Variants in TNRC6B observed in about 807,000 individuals in gnomAD.
The protein encoded by TNRC6B is trinucleotide repeat-containing gene 6B protein.
A neutral mutation model predicts 203.6 loss-of-function variants in TNRC6B; 52 were observed. The observed-to-expected ratio is 0.26, with a 90% CI of 0.20 to 0.32. The LOEUF (loss-of-function observed/expected upper bound fraction) is 0.32. Among genes scored for constraint, TNRC6B ranks in the 10% least tolerant of loss-of-function variants. TNRC6B has a pLI of 1.00. For synonymous variants in TNRC6B, 838 were observed against 845.7 expected, an observed-to-expected ratio of 0.99 and a Z score of 0.16; for missense variants, 1,923 against 2,286.2, an observed-to-expected ratio of 0.84 and a Z score of 3.24.
intron 1 of TNRC6B, among the ~76,000 whole-genome samples, chr22:40,071,253 T>C (rs1307686014): frequency 6.6e-6 from 1 of 152,206 alleles, no homozygotes; most frequent in Non-Finnish European, 1.5e-5. Context: ...ATACCTCCAC[T>C]AGATACTTCC....
chr22:40,058,360 AG>A (rs1474999302), intron 1 of TNRC6B, among the ~76,000 whole-genome samples: 1 of 148,708 alleles, frequency 6.7e-6, no homozygotes, highest in Non-Finnish European at 1.5e-5. Context: ...AACTTTAAAA[AG>A]GGGGCCCTCT....
intron 2 of TNRC6B, among the ~76,000 whole-genome samples, chr22:40,118,261 G>GT (rs1234899547): frequency 6.6e-6 from 1 of 152,150 alleles, no homozygotes; most frequent in Non-Finnish European, 1.5e-5. Context: ...GTGGCCTATG[G>GT]TTTTTGAACC....
rs144211003 is a variant in TNRC6B, at chr22:40,158,993, C to T, written c.113+2811C>T. Reference sequence around the variant, plus strand: ...TTTTTTTGCGTGTGTGACAGAGTCTCGCTCTGTCGCCCAGGCTGGAGTGCA... The same window carrying T: ...TTTTTTTGCGTGTGTGACAGAGTCTTGCTCTGTCGCCCAGGCTGGAGTGCA... On this transcript the variant is annotated intron_variant, in intron 4 of 23. Coordinates refer to the TNRC6B transcript ENST00000301923. Among the ~76,000 whole-genome samples the T allele has an allele frequency of 5.2e-3, 782 of 151,792 alleles. 5 individuals are homozygous for T. The highest frequency in any genetic ancestry group is 0.018 in the African/African-American group (745 of 41,366).
At chr22:40,114,578 C>G (rs1016762388) in intron 1 of TNRC6B, among the ~76,000 whole-genome samples, 2 of 152,174 alleles carry the variant, frequency 1.3e-5, no homozygotes, top group Non-Finnish European at 2.9e-5. Flanking sequence ...CTGCCTCGGC[C>G]TCTCAAAGTG....
At chr22:40,279,033 G>A (rs1318341608) in intron 9 of TNRC6B, among the ~76,000 whole-genome samples, 1 of 152,212 alleles carries the variant, frequency 6.6e-6, no homozygotes, top group Non-Finnish European at 1.5e-5. Flanking sequence ...GAACCACTGT[G>A]CCCAGCCCTG....
chr22:40,173,799 T>TATATATATATAA (rs2069029332), upstream of TNRC6B, among the ~76,000 whole-genome samples: 6 of 51,046 alleles, frequency 1.2e-4, no homozygotes, highest in Non-Finnish European at 1.7e-4. Flanking sequence ...ATATATTTTT[T>TATATATATATAA]TTTTTTTTTT....
At chr22:40,213,629 T>C (rs2069593607) in intron 1 of TNRC6B, among the ~76,000 whole-genome samples, 1 of 152,142 alleles carries the variant, frequency 6.6e-6, no homozygotes, top group African/African-American at 2.4e-5. Context: ...ATCAGGCTAA[T>C]AACAATCACA....
chr22:40,132,519 C>A (rs2146330253), intron 3 of TNRC6B, among the ~76,000 whole-genome samples: 1 of 150,994 alleles, frequency 6.6e-6, no homozygotes, highest in Non-Finnish European at 1.5e-5. Context: ...GGGCGAGGGG[C>A]CTGTAGTCCC....
chr22:40,155,998 G>C, intron 3 of TNRC6B: 1 of 831,328 alleles, frequency 1.2e-6, no homozygotes, highest in Non-Finnish European at 1.9e-6. Context: ...CCAGGCTTCT[G>C]TTCTGTGCAC....
chr22:40,230,646 T>C (rs2069857200), intron 1 of TNRC6B, among the ~76,000 whole-genome samples: 1 of 152,164 alleles, frequency 6.6e-6, no homozygotes, highest in South Asian at 2.1e-4. Context: ...ATAAATTCTT[T>C]GTCAGATAAG....
chr22:40,262,675 G>A (rs1259234478), intron 4 of TNRC6B, among the ~76,000 whole-genome samples: 2 of 152,042 alleles, frequency 1.3e-5, no homozygotes, highest in Non-Finnish European at 2.9e-5. Flanking sequence ...TGTGGGCCCT[G>A]GATTTTGAGC....
rs1005372731 is a variant in TNRC6B at position 40,300,951 on chromosome 22, G to T, written c.3882G>T (p.Leu1294Phe). 1 of 1,613,740 alleles carries T rather than the reference G, an allele frequency of 6.2e-7. No homozygotes were observed. The highest frequency in any genetic ancestry group is 1.3e-5 in the African/African-American group (1 of 74,922). ...TGCAGCAGCAGCAACAGCAGCAGTTGTTACAGAACCAGAGAAAGATTTCTC... is the reference window on the plus strand; with the variant it reads ...TGCAGCAGCAGCAACAGCAGCAGTTTTTACAGAACCAGAGAAAGATTTCTC... ...LLLQQQQQQQ[L>F]LQNQRKISQA... The change falls in exon 14 of 23, where the codon TTG (leucine) becomes TTT (phenylalanine). Residue 1294 changes from leucine (L) to phenylalanine (F), a missense_variant. By Grantham distance (22) the Leu-to-Phe change is conservative (BLOSUM62 0). Coordinates refer to ENST00000454349, the MANE Select transcript of TNRC6B (RefSeq NM_001162501.2).
At chr22:40,269,998 T>G in intron 5 of TNRC6B, 124 bp from the exon 6 acceptor site, 1 of 959,752 alleles carries the variant, frequency 1.0e-6, no homozygotes, top group African/African-American at 1.7e-5. Flanking sequence ...CACATGAAAG[T>G]TGAATCTATT....
chr22:40,253,564 A>G (rs1345340746), intron 3 of TNRC6B: 2 of 455,526 alleles, frequency 4.4e-6, no homozygotes, highest in Non-Finnish European at 8.8e-6. Context: ...ATACAGTTTC[A>G]CAGTCTCCCT....
chr22:40,047,690 CTGTT>C (rs1219979201), intron 1 of TNRC6B, among the ~76,000 whole-genome samples: 1 of 152,114 alleles, frequency 6.6e-6, no homozygotes. Context: ...TATTTCTTCC[CTGTT>C]TAATTTTTAT....
intron 1 of TNRC6B, among the ~76,000 whole-genome samples, chr22:40,185,487 T>C (rs1428284108): frequency 6.6e-6 from 1 of 152,182 alleles, no homozygotes; most frequent in African/African-American, 2.4e-5. Context: ...TGATTTTAAC[T>C]GTGTTGATCA....
chr22:40,131,068 T>C (rs377621695), intron 3 of TNRC6B, among the ~76,000 whole-genome samples: 10 of 151,880 alleles, frequency 6.6e-5, no homozygotes, highest in Middle Eastern at 6.8e-3. Flanking sequence ...CACGCCCGGA[T>C]AATTTTTTGC....
At chr22:40,160,392 C>T (rs936151390) in intron 4 of TNRC6B, among the ~76,000 whole-genome samples, 40 of 150,160 alleles carry the variant, frequency 2.7e-4, no homozygotes, top group Non-Finnish European at 1.0e-4. Context: ...AGGAGAATGG[C>T]TTGCACCTGG....
intron 12 of TNRC6B, among the ~76,000 whole-genome samples, chr22:40,292,857 C>T (rs756655950): frequency 3.3e-5 from 5 of 152,200 alleles, no homozygotes; most frequent in South Asian, 4.1e-4. Context: ...ATGGAACATA[C>T]GAGCTGGTGG....
Sources: allele counts gnomAD v4.1 joint callset (sites outside exome capture counted in the v4.1 genomes callset), GRCh38; gene constraint gnomAD v4.1.1; transcripts MANE v1.5; gene names NCBI Gene and HGNC (gene_info 2026-07-23, HGNC 2026-07-21).